The following MRPL49 variants were observed in gnomAD, a reference collection of about 807,000 sequenced individuals.
MRPL49 encodes the protein mitochondrial ribosomal protein L49.
A neutral mutation model predicts 18.4 loss-of-function variants in MRPL49; 14 were observed. That is an observed-to-expected ratio of 0.76 (90% CI 0.50 to 1.19). The LOEUF is 1.19. Ranked by LOEUF, MRPL49 falls within the 50% of genes most tolerant of loss-of-function variation. The pLI is 0.00. For missense variants in MRPL49, 190 were observed against 217.8 expected (o/e 0.87, Z 0.80); for synonymous variants, 104 against 86.2 (o/e 1.21, Z -1.14).
At chr11:65,123,570 G>C (rs1196042) in intron 1 of MRPL49, among the ~76,000 whole-genome samples, 152,031 of 152,228 alleles carry the variant, frequency 1, 75,918 homozygotes, top group Non-Finnish European at 1. Flanking sequence ...CCCGTCTCTA[G>C]AAAAAATACA....
rs760977026 is a variant in MRPL49, at chr11:65,125,623, G to A, written c.354+11G>A. On this transcript the variant is annotated intron_variant, in intron 3 of 3. Transcript: ENST00000279242. ...GAAGGGGACATCTGGGTAAGTGGGT[G>A]GGTGGGTCTGGGACTGGGCCTGACC... 1 of 1,613,976 alleles carries A rather than the reference G, an allele frequency of 6.2e-7. No individual in the cohort carries two copies. Among genetic ancestry groups the A allele is most frequent in the Non-Finnish European group, 8.5e-7 (1 of 1,179,936 alleles).
At position 65,125,610 on chromosome 11, in the gene MRPL49, T is replaced by A. The variant is rs893388938; in HGVS notation, c.352T>A (p.Trp118Arg). 1 of 1,156,204 alleles carries A rather than the reference T, an allele frequency of 8.6e-7. No individual in the cohort carries two copies. Among genetic ancestry groups the A allele is most frequent in the Admixed American group, 1.8e-5 (1 of 56,178 alleles). The allele number at this position is 1,156,204 out of a possible 1,614,324, so 71.6% of individuals were successfully genotyped here. A position where few individuals can be genotyped will look rare whatever the true frequency, so the allele number is the denominator to read the frequency against. Residue 118 changes from tryptophan to arginine, a missense_variant and splice_region_variant, in exon 3 of 4, where the codon TGG becomes AGG. Transcript: ENST00000279242. Reference sequence around the variant, plus strand: ...GATCCGGAAAGTGGAAGGGGACATCTGGGTAAGTGGGTGGGTGGGTCTGGG... The same window carrying A: ...GATCCGGAAAGTGGAAGGGGACATCAGGGTAAGTGGGTGGGTGGGTCTGGG... The part of the protein sequence containing the change: ...TVIRKVEGDI[W>R]ALQKDVEDFL...
Position 65,122,378 on chromosome 11 carries a change from G to C in MRPL49, c.32G>C (p.Arg11Pro). The C allele has an allele frequency of 1.2e-6, 2 of 1,613,214 alleles. No homozygotes were observed. The highest frequency in any genetic ancestry group is 1.7e-6 in the Non-Finnish European group (2 of 1,179,686). MAATMFRATL[R>P]GWRTGVQRGC... ...GCTACCATGTTCCGGGCTACGCTGCGGGGATGGAGAACCGGTGTCCAGCGG... is the reference window on the plus strand; with the variant it reads ...GCTACCATGTTCCGGGCTACGCTGCCGGGATGGAGAACCGGTGTCCAGCGG... Residue 11 changes from arginine to proline, a missense_variant, in exon 1 of 4, where the codon CGG becomes CCG. Physicochemically the swap from Arg to Pro is moderately radical, Grantham distance 103. Coordinates refer to ENST00000279242, the MANE Select transcript of MRPL49 (RefSeq NM_004927.4).
chr11:65,124,393 AT>A, intron 1 of MRPL49, 108 bp from the exon 2 acceptor site: 1 of 1,144,524 alleles, frequency 8.7e-7, no homozygotes, highest in Admixed American at 2.3e-5. Flanking sequence ...CCAGCCTTTT[AT>A]TTATGTCATT....
chr11:65,124,788 GTC>G, intron 2 of MRPL49, 136 bp downstream of exon 2: 1 of 944,594 alleles, frequency 1.1e-6, no homozygotes, highest in Non-Finnish European at 1.5e-6. Context: ...GGTTACATCT[GTC>G]TCATGCCCAA....
At chr11:65,123,127 G>A (rs1948069749) in intron 1 of MRPL49, among the ~76,000 whole-genome samples, 1 of 152,136 alleles carries the variant, frequency 6.6e-6, no homozygotes, top group Non-Finnish European at 1.5e-5. Flanking sequence ...TACAAACAAG[G>A]CCACGCTGCC....
At chr11:65,124,739 C>G in intron 2 of MRPL49, 87 bp downstream of exon 2, 1 of 1,467,510 alleles carries the variant, frequency 6.8e-7, no homozygotes, top group Admixed American at 2.0e-5. Flanking sequence ...AGGCTCTGGA[C>G]TCTCCAGTGG....
Position 65,127,285 on chromosome 11 carries a change from A to C in MRPL49, c.*1413A>C, listed in dbSNP as rs1948113234. ...GTGACACAAACCCCACCAATTGTTA[A>C]TGCAAGTTTTTATTTGGCTGTATAT... On this transcript the variant is annotated 3_prime_UTR_variant, in exon 4 of 4. Transcript: ENST00000279242. 4.4e-6 allele frequency: 2 copies of C among 459,768 alleles called. No homozygotes were observed. The highest frequency in any genetic ancestry group is 3.8e-6 in the Non-Finnish European group (1 of 260,432). The allele number at this position is 459,768 out of a possible 1,614,324, so 28.5% of individuals were successfully genotyped here.
chr11:65,123,354 A>C (rs540579397), intron 1 of MRPL49, among the ~76,000 whole-genome samples: 1 of 152,322 alleles, frequency 6.6e-6, no homozygotes, highest in African/African-American at 2.4e-5. Context: ...CAACCTAAAT[A>C]ACAGACTCTA....
At chr11:65,122,263 C>T, upstream of MRPL49, 8 of 1,492,222 alleles carry the variant, frequency 5.4e-6, no homozygotes, top group South Asian at 7.2e-5. Flanking sequence ...CTCGCACCGG[C>T]GAACCTGCCT....
chr11:65,126,696 C>T lies in MRPL49; in HGVS notation c.*824C>T, dbSNP rs1366879230. On this transcript the variant is annotated 3_prime_UTR_variant, in exon 4 of 4. Coordinates refer to ENST00000279242, the MANE Select transcript of MRPL49 (RefSeq NM_004927.4). ...TCTTGGAGATCTTCTGTTCAAAGTACAGTGCTGGCACTGGGGCACAGAGTG... is the reference window on the plus strand; with the variant it reads ...TCTTGGAGATCTTCTGTTCAAAGTATAGTGCTGGCACTGGGGCACAGAGTG... 5 of 365,938 alleles carry T rather than the reference C, an allele frequency of 1.4e-5. No individual in the cohort carries two copies. Among genetic ancestry groups the T allele is most frequent in the Non-Finnish European group, 2.5e-5 (5 of 201,088 alleles). 22.7% of individuals were successfully genotyped at this position (365,938 alleles called of 1,614,324 possible).
At chr11:65,124,293 C>G (rs1161588990) in intron 1 of MRPL49, among the ~76,000 whole-genome samples, 1 of 152,190 alleles carries the variant, frequency 6.6e-6, no homozygotes, top group Non-Finnish European at 1.5e-5. Context: ...CAAGAACTCT[C>G]TCTTCGTGGC....
Position 65,123,944 on chromosome 11 carries a change from A to G in MRPL49, c.79-558A>G, listed in dbSNP as rs146763334. ...GCTCTGTCACCGAGGCTGGAGTGCA[A>G]TGGTGCGATCTTAGCTCACTGCAAC... On this transcript the variant is annotated intron_variant, in intron 1 of 3. Transcript: ENST00000279242. Among the ~76,000 whole-genome samples, 1,006 of 151,826 alleles carry G rather than the reference A, an allele frequency of 6.6e-3. 12 individuals carry two copies. Among genetic ancestry groups the G allele is most frequent in the African/African-American group, 0.023 (949 of 41,438 alleles).
chr11:65,126,886 G>A lies in MRPL49; in HGVS notation c.*1014G>A. On this transcript the variant is annotated 3_prime_UTR_variant, in exon 4 of 4. Coordinates refer to ENST00000279242, the MANE Select transcript of MRPL49 (RefSeq NM_004927.4). ...CTTCTGACCTGCAATCAAGGCTGGG[G>A]AGGGGTTTGCAGGCAGGAATATGCT... is the stretch of plus-strand genomic sequence containing the variant. 3.3e-6 allele frequency: 2 copies of A among 597,496 alleles called. No individual in the cohort carries two copies. The highest frequency in any genetic ancestry group is 3.0e-6 in the Non-Finnish European group (1 of 332,970). The allele number at this position is 597,496 out of a possible 1,614,324, so 37.0% of individuals were successfully genotyped here.
rs372879134 is a variant in MRPL49 at position 65,125,572 on chromosome 11, G to A, written c.314G>A (p.Arg105Gln). 1.3e-5 allele frequency: 21 copies of A among 1,614,028 alleles called. No individual in the cohort carries two copies. Among genetic ancestry groups the A allele is most frequent in the East Asian group, 8.9e-5 (4 of 44,898 alleles). The stretch of plus-strand genomic sequence containing the variant: ...TACAAGGACATCACGCATGGCAACC[G>A]GCAGATGACTGTGATCCGGAAAGTG... ...PVYKDITHGN[R>Q]QMTVIRKVEG... The change falls in exon 3 of 4, where the codon CGG (arginine) becomes CAG (glutamine). Residue 105 changes from arginine (R) to glutamine (Q), a missense_variant. Coordinates refer to ENST00000279242, the MANE Select transcript of MRPL49 (RefSeq NM_004927.4).
intron 1 of MRPL49, among the ~76,000 whole-genome samples, chr11:65,123,806 G>A (rs1242451523): frequency 1.3e-5 from 2 of 152,284 alleles, no homozygotes; most frequent in East Asian, 3.9e-4. Flanking sequence ...GTTATCCTTG[G>A]CTACAAGGAT....
At chr11:65,122,996 G>A (rs1948068231) in intron 1 of MRPL49, among the ~76,000 whole-genome samples, 2 of 152,194 alleles carry the variant, frequency 1.3e-5, no homozygotes, top group Admixed American at 6.5e-5. Context: ...TGGGATTACA[G>A]GCATGAGCCG....
At chr11:65,125,454 A>G in intron 2 of MRPL49, 34 bp from the exon 3 acceptor site, 1 of 1,611,994 alleles carries the variant, frequency 6.2e-7, no homozygotes, top group South Asian at 1.1e-5. Context: ...GCACGTAGGA[A>G]GAGTTGATTT....
At position 65,122,496 on chromosome 11, in the gene MRPL49, G is replaced by A. The variant is rs564872765; in HGVS notation, c.78+72G>A. 13 of 1,420,110 alleles carry A rather than the reference G, an allele frequency of 9.2e-6. No individual in the cohort carries two copies. In the East Asian group the frequency reaches 1.2e-4, roughly 13 times the overall value. 88.0% of individuals were successfully genotyped at this position (1,420,110 alleles called of 1,614,324 possible). ...CTCAGTGTTAATCATTGTTAACCCC[G>A]AAAACTAAGGCATTCCTACTTGGGG... On this transcript the variant is annotated intron_variant, in intron 1 of 3. Coordinates refer to ENST00000279242, the MANE Select transcript of MRPL49 (RefSeq NM_004927.4).
Sources: gnomAD v4.1 joint callset for allele counts (sites outside exome capture counted in the v4.1 genomes callset) on GRCh38, gnomAD v4.1.1 for gene constraint, MANE v1.5 for transcripts, NCBI Gene and HGNC (gene_info 2026-07-23, HGNC 2026-07-21) for gene names.